MLX: variants seen among roughly 807,000 people sequenced by gnomAD.
MLX encodes max-like protein X.
MLX carries 15 observed loss-of-function variants against 33.0 expected under a neutral mutation model. The observed-to-expected ratio is 0.45, with a 90% CI of 0.30 to 0.70. The LOEUF (loss-of-function observed/expected upper bound fraction) is 0.70, where lower values mean the gene tolerates loss of function less well. MLX is among the 30% of genes least tolerant of loss of function. The pLI is 0.07. For missense variants in MLX, 285 were observed against 306.3 expected, an observed-to-expected ratio of 0.93 and a Z score of 0.52; for synonymous variants, 115 against 115.6, an observed-to-expected ratio of 0.99 and a Z score of 0.03.
chr17:42,568,393 T>C (rs2093017549), intron 2 of MLX, 77 bp from the exon 3 acceptor site: 4 of 939,996 alleles, frequency 4.3e-6, no homozygotes, highest in East Asian at 2.5e-5. Context: ...AAGAAAGCCA[T>C]TGTGTCCTAC....
rs1302872958 is a variant in MLX, at chr17:42,572,504, G to T, written c.*901G>T. 4 of 454,124 alleles carry T rather than the reference G, an allele frequency of 8.8e-6. No individual in the cohort carries two copies. Among genetic ancestry groups the T allele is most frequent in the East Asian group, 1.4e-4 (2 of 14,522 alleles). 28.1% of individuals were successfully genotyped at this position (454,124 alleles called of 1,614,324 possible). A position where few individuals can be genotyped will look rare whatever the true frequency, so the allele number is the denominator to read the frequency against. On this transcript the variant is annotated 3_prime_UTR_variant, in exon 8 of 8. Transcript: ENST00000435881. ...AAGCGTACAAAAGATACTTAAAAGG[G>T]CTCCTGGGGTACACAAGCCCAGCAG...
At chr17:42,567,388 T>G in intron 1 of MLX, 4 of 1,389,126 alleles carry the variant, frequency 2.9e-6, no homozygotes, top group East Asian at 5.3e-5. Context: ...TGGGGTGGAG[T>G]AGGGGCGGAA....
intron 6 of MLX, 24 bp downstream of exon 6, chr17:42,569,630 G>A (rs200592198): frequency 1.9e-6 from 3 of 1,582,656 alleles, no homozygotes; most frequent in Non-Finnish European, 2.6e-6. Flanking sequence ...TGAATGGGGG[G>A]AACCAGAACT....
chr17:42,567,934 G>C, intron 2 of MLX: 1 of 549,644 alleles, frequency 1.8e-6, no homozygotes, highest in Non-Finnish European at 3.3e-6. Context: ...CCGTTTGTGA[G>C]CCAGGGGGGT....
chr17:42,570,965 A>T (rs1444717308), intron 7 of MLX, among the ~76,000 whole-genome samples: 4 of 151,884 alleles, frequency 2.6e-5, no homozygotes, highest in Non-Finnish European at 4.4e-5. Flanking sequence ...TCGTTTCCCA[A>T]CATTTTTATT....
At position 42,569,268 on chromosome 17, in the gene MLX, C is replaced by T. The variant is rs1449568993; in HGVS notation, c.341C>T (p.Ser114Phe). 2 of 1,614,170 alleles carry T rather than the reference C, an allele frequency of 1.2e-6. No individual in the cohort carries two copies. Among genetic ancestry groups the T allele is most frequent in the South Asian group, 1.1e-5 (1 of 91,082 alleles). The part of the protein sequence containing the change: ...TCQQQDFSIG[S>F]QKLSKAIVLQ... ...CAGCAGCAGGACTTCTCCATTGGCTCCCAAAAGCTCAGCAAAGCCATCGTT... is the reference window on the plus strand; with the variant it reads ...CAGCAGCAGGACTTCTCCATTGGCTTCCAAAAGCTCAGCAAAGCCATCGTT... The change falls in exon 5 of 8, where the codon TCC becomes TTC. Residue 114 changes from serine to phenylalanine, a missense_variant. Physicochemically the swap from Ser to Phe is radical, Grantham distance 155. Transcript: ENST00000435881.
At position 42,572,353 on chromosome 17, in the gene MLX, T is replaced by G; in HGVS notation, c.*750T>G. On this transcript the variant is annotated 3_prime_UTR_variant, in exon 8 of 8. Coordinates refer to ENST00000435881, the MANE Select transcript of MLX (RefSeq NM_198204.2). Reference sequence around the variant, plus strand: ...TATTTTTCTAAATACCAATGCAGTTTTGCTACGGTTACAATTTTGAAATAT... The same window carrying G: ...TATTTTTCTAAATACCAATGCAGTTGTGCTACGGTTACAATTTTGAAATAT... 1 of 454,662 alleles carries G rather than the reference T, an allele frequency of 2.2e-6. No individual in the cohort carries two copies. Among genetic ancestry groups the G allele is most frequent in the South Asian group, 1.6e-5 (1 of 64,472 alleles). 28.2% of individuals were successfully genotyped at this position (454,662 alleles called of 1,614,324 possible).
At chr17:42,567,706 C>T in intron 2 of MLX, 51 bp downstream of exon 2, 2 of 1,613,138 alleles carry the variant, frequency 1.2e-6, no homozygotes, top group Non-Finnish European at 1.7e-6. Context: ...CGCCCAGGCT[C>T]TCTAGATTCT....
In MLX at chr17:42,569,521, C is replaced by T; in HGVS notation, c.391C>T (p.Gln131Ter). 6.2e-7 allele frequency: 1 copy of T among 1,614,022 alleles called. No homozygotes were observed. The highest frequency in any genetic ancestry group is 8.5e-7 in the Non-Finnish European group (1 of 1,179,946). Residue 131 changes from glutamine (Q) to a stop codon, truncating the protein, a stop_gained, in exon 6 of 8, where the codon CAG (glutamine) becomes TAG (stop). Transcript: ENST00000435881. LOFTEE classifies it high-confidence loss of function. ...CCCCACCCTAGCCATTGACTACATT[C>T]AGTTTTTGCACAAGGAGAAGAAAAA... Reference protein sequence around the residue: ...IVLQKTIDYIQFLHKEKKKQE... With the variant: ...IVLQKTIDYI
chr17:42,568,692 A>G, intron 3 of MLX, 133 bp downstream of exon 3: 1 of 1,074,646 alleles, frequency 9.3e-7, no homozygotes, highest in Middle Eastern at 2.1e-4. Flanking sequence ...AGGTCTCACC[A>G]TCTTTCACCT....
chr17:42,567,153 A>ACCCTTGGGTCAAGGCAAGC lies in MLX; in HGVS notation c.33_42+9dup. ...ACGGAGCCGGGCGCCTCTCCCGAGG[A>ACCCTTGGGTCAAGGCAAGC]CCCTTGGGTCAAGGCAAGCCCCGTG... On this transcript the variant is annotated frameshift_variant, in exon 1 of 8. Transcript: ENST00000435881. LOFTEE classifies it high-confidence loss of function. 1.6e-6 allele frequency: 2 copies of ACCCTTGGGTCAAGGCAAGC among 1,267,464 alleles called. No individual in the cohort carries two copies. The highest frequency in any genetic ancestry group is 3.5e-5 in the South Asian group (1 of 28,976). 78.5% of individuals were successfully genotyped at this position (1,267,464 alleles called of 1,614,324 possible). A position where few individuals can be genotyped will look rare whatever the true frequency, so the allele number is the denominator to read the frequency against.
intron 2 of MLX, 160 bp downstream of exon 2, chr17:42,567,815 T>G (rs2093014960): frequency 4.7e-6 from 4 of 855,572 alleles, no homozygotes; most frequent in Non-Finnish European, 1.8e-6. Flanking sequence ...AGAAAACAAC[T>G]GAGGGTGACA....
At position 42,573,203 on chromosome 17, in the gene MLX, A is replaced by G; in HGVS notation, c.*1600A>G. On this transcript the variant is annotated 3_prime_UTR_variant, in exon 8 of 8. Transcript: ENST00000435881. ...TAAAACCACCCGTTTTCAGATGGGC[A>G]GCACTGGGCACTGCCTGTCAGTTTA... 1 of 1,614,184 alleles carries G rather than the reference A, an allele frequency of 6.2e-7. No homozygotes were observed.
At chr17:42,568,712 C>T in intron 3 of MLX, 125 bp from the exon 4 acceptor site, 1 of 1,073,190 alleles carries the variant, frequency 9.3e-7, no homozygotes, top group Non-Finnish European at 1.4e-6. Flanking sequence ...TCATCTGGAA[C>T]ATTAGGTGGT....
In MLX at chr17:42,568,456, CCT is replaced by C. The variant is rs1430298430; in HGVS notation, c.80-9_80-8del. On this transcript the variant is annotated splice_polypyrimidine_tract_variant and intron_variant, in intron 2 of 7. Coordinates refer to ENST00000435881, the MANE Select transcript of MLX (RefSeq NM_198204.2). ...CCACCCCACCCCTTAGTGATTGGGG[CCT>C]CTCTTTTCCAGGGCTTTTTGTAGAA... The C allele has an allele frequency of 6.2e-7, 1 of 1,608,656 alleles. No homozygotes were observed. The highest frequency in any genetic ancestry group is 8.5e-7 in the Non-Finnish European group (1 of 1,175,230).
Position 42,572,441 on chromosome 17 carries a change from T to G in MLX, c.*838T>G, listed in dbSNP as rs1264215661. 1 of 454,662 alleles carries G rather than the reference T, an allele frequency of 2.2e-6. No homozygotes were observed. The highest frequency in any genetic ancestry group is 4.4e-6 in the Non-Finnish European group (1 of 226,786). 28.2% of individuals were successfully genotyped at this position (454,662 alleles called of 1,614,324 possible). ...TCTTGGCCTCTCCCATGTCTCAGTGTTGCCTGCATTTCTCCCAGGACTTGG... is the reference window on the plus strand; with the variant it reads ...TCTTGGCCTCTCCCATGTCTCAGTGGTGCCTGCATTTCTCCCAGGACTTGG... On this transcript the variant is annotated 3_prime_UTR_variant, in exon 8 of 8. Transcript: ENST00000435881.
At chr17:42,567,287 CG>C in intron 1 of MLX, 121 bp downstream of exon 1, 1 of 1,352,556 alleles carries the variant, frequency 7.4e-7, no homozygotes, top group Middle Eastern at 2.5e-4. Flanking sequence ...CTCCGTGCCC[CG>C]GGGCTGCAGA....
Position 42,571,542 on chromosome 17 carries a change from G to A in MLX, c.679-5G>A, listed in dbSNP as rs183902628. 648 of 1,614,072 alleles carry A rather than the reference G, an allele frequency of 4.0e-4. 2 individuals carry two copies. Among genetic ancestry groups the A allele is most frequent in the East Asian group, 3.9e-3 (177 of 44,880 alleles). On this transcript the variant is annotated splice_polypyrimidine_tract_variant and splice_region_variant and intron_variant, in intron 7 of 7. Transcript: ENST00000435881. ...GTCTATTTCTTCCTCTGCTGCCCTC[G>A]CCAGACCCTGCGGGAGATTGTGATT...
intron 7 of MLX, among the ~76,000 whole-genome samples, chr17:42,570,855 C>A (rs370857950): frequency 1.3e-5 from 2 of 152,136 alleles, no homozygotes; most frequent in African/African-American, 4.8e-5. Context: ...CGGGGTTTCA[C>A]CGTGTTAGCC....
Sources: gnomAD v4.1 joint callset for allele counts (sites outside exome capture counted in the v4.1 genomes callset) on GRCh38, gnomAD v4.1.1 for gene constraint, MANE v1.5 for transcripts, NCBI Gene and HGNC (gene_info 2026-07-23, HGNC 2026-07-21) for gene names.